Variants in SCN7A observed in about 807,000 individuals in gnomAD.
SCN7A encodes the protein sodium channel protein type 7 subunit alpha.
A neutral mutation model predicts 155.2 loss-of-function variants in SCN7A; 138 were observed. The observed-to-expected ratio is 0.89, with a 90% CI of 0.77 to 1.02. The LOEUF is 1.02. Among genes scored for constraint, SCN7A ranks in the 50% least tolerant of loss-of-function variants. The probability of loss-of-function intolerance (pLI) is 0.00; values close to 1 mark genes in which losing one functional copy is unlikely to be tolerated. For synonymous variants in SCN7A, 693 were observed against 649.0 expected, an observed-to-expected ratio of 1.07 and a Z score of -1.03; for missense variants, 2,058 against 1,986.6, an observed-to-expected ratio of 1.04 and a Z score of -0.68.
chr2:166,404,586 C>T lies in SCN7A; in HGVS notation c.*994G>A, dbSNP rs1218038037. The T allele has an allele frequency of 6.6e-6, 1 of 151,636 alleles. No homozygotes were observed. Among genetic ancestry groups the T allele is most frequent in the African/African-American group, 2.4e-5 (1 of 41,342 alleles). The allele number at this position is 151,636 out of a possible 1,614,324, so 9.4% of individuals were successfully genotyped here. A position where few individuals can be genotyped will look rare whatever the true frequency, so the allele number is the denominator to read the frequency against. On this transcript the variant is annotated 3_prime_UTR_variant, in exon 26 of 26. Transcript: ENST00000643258. Reference sequence around the variant, plus strand: ...AGTACTTTAAAGTTGCCACAACTTTCCAATTAAGGGCCAAGACACTATGAG... The same window carrying T: ...AGTACTTTAAAGTTGCCACAACTTTTCAATTAAGGGCCAAGACACTATGAG...
At chr2:166,436,333 G>T in intron 15 of SCN7A, 1 of 379,360 alleles carries the variant, frequency 2.6e-6, no homozygotes, top group Non-Finnish European at 5.3e-6. Flanking sequence ...GGTTTTATAA[G>T]GGGCTTACCC....
In SCN7A at chr2:166,476,279, A is replaced by T. The variant is rs550036965; in HGVS notation, c.234+1184T>A. On this transcript the variant is annotated intron_variant, in intron 3 of 25. Transcript: ENST00000643258. Reference sequence around the variant, plus strand: ...GTATTCCAAATAACTGTAATTTATTAAAAAAAAAATCACTTTGTCTTCCAT... The same window carrying T: ...GTATTCCAAATAACTGTAATTTATTTAAAAAAAAATCACTTTGTCTTCCAT... 2.4e-4 allele frequency among the ~76,000 whole-genome samples: 34 copies of T among 144,382 alleles called. No homozygotes were observed. In the South Asian group the frequency reaches 4.7e-3, roughly 20 times the overall value. 94.7% of individuals were successfully genotyped at this position (144,382 alleles called of 152,430 possible).
At chr2:166,477,370 T>C in intron 3 of SCN7A, 93 bp downstream of exon 3, 2 of 838,622 alleles carry the variant, frequency 2.4e-6, no homozygotes, top group Non-Finnish European at 3.5e-6. Flanking sequence ...CTGTTTTTCA[T>C]TATCTTTTTG....
At chr2:166,460,991 T>A (rs1243439969) in intron 10 of SCN7A, among the ~76,000 whole-genome samples, 4 of 150,988 alleles carry the variant, frequency 2.6e-5, no homozygotes, top group African/African-American at 9.7e-5. Flanking sequence ...ATGCAAGTAC[T>A]AGTCTAACAA....
At position 166,405,069 on chromosome 2, in the gene SCN7A, T is replaced by A. The variant is rs1701036710; in HGVS notation, c.*511A>T. The A allele has an allele frequency of 6.6e-6, 1 of 152,108 alleles. No homozygotes were observed. Among genetic ancestry groups the A allele is most frequent in the Admixed American group, 6.6e-5 (1 of 15,218 alleles). The allele number at this position is 152,108 out of a possible 1,614,324, so 9.4% of individuals were successfully genotyped here. A position where few individuals can be genotyped will look rare whatever the true frequency, so the allele number is the denominator to read the frequency against. ...TCAGCCCAAGAATCTCTGAGGTTGA[T>A]CTCAAAGGCACTTTCTAAAGAACTG... On this transcript the variant is annotated 3_prime_UTR_variant, in exon 26 of 26. Transcript: ENST00000643258.
intron 9 of SCN7A, among the ~76,000 whole-genome samples, chr2:166,464,878 T>C (rs1702493553): frequency 6.6e-6 from 1 of 152,230 alleles, no homozygotes; most frequent in Non-Finnish European, 1.5e-5. Context: ...TGCCATTTAC[T>C]AGCTTCTAGA....
chr2:166,471,841 C>A (rs1216018066), intron 6 of SCN7A, among the ~76,000 whole-genome samples: 1 of 151,634 alleles, frequency 6.6e-6, no homozygotes, highest in Non-Finnish European at 1.5e-5. Context: ...TCTGCTAGGA[C>A]CTTCTCCTAA....
chr2:166,413,547 G>C (rs1424188054), intron 21 of SCN7A, among the ~76,000 whole-genome samples: 1 of 151,942 alleles, frequency 6.6e-6, no homozygotes, highest in African/African-American at 2.4e-5. Context: ...GTAGTGACTT[G>C]GGTTGAACTA....
At chr2:166,465,283 C>A (rs1702504064) in intron 9 of SCN7A, among the ~76,000 whole-genome samples, 179 bp downstream of exon 9, 1 of 152,202 alleles carries the variant, frequency 6.6e-6, no homozygotes, top group South Asian at 2.1e-4. Flanking sequence ...TTTAAACCAA[C>A]CAGTCTGTGG....
intron 21 of SCN7A, among the ~76,000 whole-genome samples, chr2:166,416,252 C>T (rs1701374324): frequency 6.6e-6 from 1 of 152,140 alleles, no homozygotes; most frequent in South Asian, 2.1e-4. Context: ...AGACCCTTAA[C>T]AGGAGTTCTG....
At chr2:166,488,144 G>T (rs1295113732) in intron 1 of SCN7A, among the ~76,000 whole-genome samples, 1 of 152,162 alleles carries the variant, frequency 6.6e-6, no homozygotes, top group Non-Finnish European at 1.5e-5. Context: ...GCAATTTAGT[G>T]ACCAACTTAT....
rs566760443 is a variant in SCN7A, at chr2:166,489,527, A to G, written c.-127-2559T>C. 4.7e-4 allele frequency among the ~76,000 whole-genome samples: 71 copies of G among 152,320 alleles called. 1 individual carries two copies. The highest frequency in any genetic ancestry group is 1.7e-3 in the African/African-American group (69 of 41,570). ...CTAAAATGACATCAATCCACTTGAA[A>G]TTTTGCAACCATCTGTGTGAATAAA... On this transcript the variant is annotated intron_variant, in intron 1 of 25. Coordinates refer to ENST00000643258, the MANE Select transcript of SCN7A (RefSeq NM_002976.4).
intron 20 of SCN7A, among the ~76,000 whole-genome samples, chr2:166,420,670 T>G (rs1701492041): frequency 6.6e-6 from 1 of 152,034 alleles, no homozygotes. Flanking sequence ...TTTCTTTACA[T>G]TGTTCAGAAG....
At chr2:166,469,783 C>T (rs1702613768) in intron 7 of SCN7A, among the ~76,000 whole-genome samples, 1 of 151,904 alleles carries the variant, frequency 6.6e-6, no homozygotes, top group Admixed American at 6.6e-5. Context: ...TTTGGTAAAG[C>T]TGCCATGCCA....
Position 166,444,822 on chromosome 2 carries a change from C to A in SCN7A, c.1566G>T (p.Leu522=). The change falls in exon 13 of 26, where the codon CTG becomes CTT. Residue 522 remains leucine, a synonymous_variant. Transcript: ENST00000643258. ...IICIILNVCF[L]TLEHYPMSKQ... ...TACTCATTGGATAATGCTCCAAGGT[C>A]AGAAAACATACGTTTAAAATTATGC... 1 of 1,609,662 alleles carries A rather than the reference C, an allele frequency of 6.2e-7. No individual in the cohort carries two copies. The highest frequency in any genetic ancestry group is 1.1e-5 in the South Asian group (1 of 90,326).
chr2:166,410,565 G>A (rs1701180198), intron 23 of SCN7A, among the ~76,000 whole-genome samples: 1 of 151,944 alleles, frequency 6.6e-6, no homozygotes, highest in African/African-American at 2.4e-5. Flanking sequence ...CGCTTTCTTA[G>A]GGGAGTGTCA....
In SCN7A at chr2:166,406,444, G is replaced by A. The variant is rs754268272; in HGVS notation, c.4185C>T (p.Ala1395=). ...AGGCAAAATTATACATTCCAAATAC[G>A]GCATAGATGAACATGACCAGGAAGA... ...LLIFLVMFIY[A]VFGMYNFAYV... The change falls in exon 26 of 26, where the codon GCC becomes GCT. Residue 1395 remains alanine, a synonymous_variant. Coordinates refer to ENST00000643258, the MANE Select transcript of SCN7A (RefSeq NM_002976.4). 32 of 1,612,648 alleles carry A rather than the reference G, an allele frequency of 2.0e-5. No individual in the cohort carries two copies. Among genetic ancestry groups the A allele is most frequent in the South Asian group, 6.6e-5 (6 of 91,040 alleles).
intron 11 of SCN7A, among the ~76,000 whole-genome samples, chr2:166,455,778 C>T (rs1177264642): frequency 1.3e-5 from 2 of 152,090 alleles, no homozygotes; most frequent in African/African-American, 4.8e-5. Flanking sequence ...TTATCGAAGG[C>T]CCTTTCTGCA....
intron 2 of SCN7A, among the ~76,000 whole-genome samples, chr2:166,480,470 C>A (rs373950369): frequency 2.2e-5 from 3 of 134,392 alleles, no homozygotes; most frequent in Non-Finnish European, 1.6e-5. Flanking sequence ...AAAAAAAAAA[C>A]AAAAAAACAA....
Sources: gnomAD v4.1 joint callset for allele counts (sites outside exome capture counted in the v4.1 genomes callset) on GRCh38, gnomAD v4.1.1 for gene constraint, MANE v1.5 for transcripts, NCBI Gene and HGNC (gene_info 2026-07-23, HGNC 2026-07-21) for gene names.